Variants in SUSD3 observed in about 807,000 individuals in gnomAD.
SUSD3 encodes the protein sushi domain containing 3, also known as sushi domain-containing protein 3.
Under a neutral mutation model 20.6 loss-of-function variants are expected in SUSD3, and 18 were observed. The ratio of observed to expected loss-of-function variants is 0.87; its 90% CI spans 0.60 to 1.30. The LOEUF is 1.30. SUSD3 is among the 50% of genes most tolerant of loss of function. The pLI, the probability that SUSD3 is intolerant of heterozygous loss-of-function variation, is 0.00. For missense variants in SUSD3, 306 were observed against 346.9 expected, an observed-to-expected ratio of 0.88 and a Z score of 0.94; for synonymous variants, 137 against 141.5, an observed-to-expected ratio of 0.97 and a Z score of 0.23.
chr9:93,074,230 G>T (rs141487545), intron 1 of SUSD3, among the ~76,000 whole-genome samples: 2,632 of 151,850 alleles, frequency 0.017, 60 homozygotes, highest in African/African-American at 0.056. Context: ...GGATCACGAG[G>T]TCATCATGGC....
Position 93,079,609 on chromosome 9 carries a change from C to T in SUSD3, c.557+7C>T, listed in dbSNP as rs1302838410. On this transcript the variant is annotated splice_region_variant and intron_variant, in intron 4 of 4. Coordinates refer to ENST00000375472, the MANE Select transcript of SUSD3 (RefSeq NM_145006.4). ...ACAACCACAGCTTCACCACGTGAGC[C>T]CGGGTCTGGGTAGGGGACATGCTGG... The T allele has an allele frequency of 6.2e-7, 1 of 1,613,452 alleles. No individual in the cohort carries two copies. The highest frequency in any genetic ancestry group is 2.2e-5 in the East Asian group (1 of 44,866).
At chr9:93,058,896 G>A (rs1423887851) in intron 1 of SUSD3, 66 bp downstream of exon 1, 9 of 1,021,806 alleles carry the variant, frequency 8.8e-6, no homozygotes, top group Non-Finnish European at 2.5e-6. Flanking sequence ...GGAAAGCCGA[G>A]GGGAGGGGGT....
At chr9:93,064,915 G>A (rs572254545) in intron 1 of SUSD3, among the ~76,000 whole-genome samples, 4 of 152,198 alleles carry the variant, frequency 2.6e-5, no homozygotes, top group African/African-American at 7.2e-5. Context: ...TGGCTGCCTT[G>A]AGTGCATGGG....
intron 1 of SUSD3, among the ~76,000 whole-genome samples, chr9:93,071,085 T>G (rs1456659852): frequency 6.6e-6 from 1 of 152,188 alleles, no homozygotes; most frequent in Non-Finnish European, 1.5e-5. Flanking sequence ...TGTCTCTTCT[T>G]AGGATCCGAG....
At position 93,076,869 on chromosome 9, in the gene SUSD3, G is replaced by A. The variant is rs1376670957; in HGVS notation, c.277+897G>A. On this transcript the variant is annotated intron_variant, in intron 2 of 4. Transcript: ENST00000375472. ...CTCAGCCTCATGATTCAAGATGGCAGCAGCTATGTTCCAGGCAGCTGTTAT... is the reference window on the plus strand; with the variant it reads ...CTCAGCCTCATGATTCAAGATGGCAACAGCTATGTTCCAGGCAGCTGTTAT... 2.6e-5 allele frequency among the ~76,000 whole-genome samples: 4 copies of A among 152,232 alleles called. No homozygotes were observed. The East Asian group carries it at 5.8e-4, about 22-fold the overall frequency.
intron 4 of SUSD3, among the ~76,000 whole-genome samples, chr9:93,080,363 T>C (rs1178543173): frequency 6.6e-6 from 1 of 151,206 alleles, no homozygotes; most frequent in East Asian, 1.9e-4. Flanking sequence ...AAATCTAATA[T>C]TGATTGCACG....
intron 1 of SUSD3, among the ~76,000 whole-genome samples, chr9:93,061,860 G>GCC: frequency 6.6e-6 from 1 of 152,212 alleles, no homozygotes; most frequent in East Asian, 1.9e-4. Context: ...TCGAGTCTAG[G>GCC]TGAGACTGGG....
In SUSD3 at chr9:93,070,228, G is replaced by A. The variant is rs140222066; in HGVS notation, c.89-5556G>A. Among the ~76,000 whole-genome samples the A allele has an allele frequency of 2.7e-3, 414 of 152,332 alleles. 2 individuals are homozygous for A. The highest frequency in any genetic ancestry group is 4.4e-3 in the Non-Finnish European group (297 of 68,026). On this transcript the variant is annotated intron_variant, in intron 1 of 4. Transcript: ENST00000375472. ...ATAAGAATCTTAGACACCGCATCTAGTGGTGGCTCCCTCCCTGCTATCAGT... is the reference window on the plus strand; with the variant it reads ...ATAAGAATCTTAGACACCGCATCTAATGGTGGCTCCCTCCCTGCTATCAGT...
intron 1 of SUSD3, among the ~76,000 whole-genome samples, chr9:93,068,341 G>C (rs1417583870): frequency 1.3e-5 from 2 of 152,146 alleles, no homozygotes; most frequent in Admixed American, 1.3e-4. Flanking sequence ...CTTACTTTTA[G>C]GTCTTTGATT....
At chr9:93,062,743 T>C (rs988540996) in intron 1 of SUSD3, among the ~76,000 whole-genome samples, 1 of 152,094 alleles carries the variant, frequency 6.6e-6, no homozygotes, top group African/African-American at 2.4e-5. Context: ...CGGGAGTCTC[T>C]GTGTGAGCAG....
intron 1 of SUSD3, among the ~76,000 whole-genome samples, chr9:93,068,808 T>C (rs1315493445): frequency 6.6e-6 from 1 of 152,218 alleles, no homozygotes; most frequent in Non-Finnish European, 1.5e-5. Flanking sequence ...GTAGATACAA[T>C]GTATCCAAGG....
chr9:93,073,687 C>A (rs1354401852), intron 1 of SUSD3, among the ~76,000 whole-genome samples: 1 of 152,208 alleles, frequency 6.6e-6, no homozygotes, highest in East Asian at 1.9e-4. Context: ...AGCAGTTTCA[C>A]TGAACGTCCT....
chr9:93,078,111 T>A (rs1826245315), intron 3 of SUSD3, 118 bp downstream of exon 3: 4 of 1,376,962 alleles, frequency 2.9e-6, no homozygotes, highest in Non-Finnish European at 3.0e-6. Flanking sequence ...CACCCGTTCC[T>A]ACCACTGCTG....
At chr9:93,060,515 A>G (rs1587891606) in intron 1 of SUSD3, among the ~76,000 whole-genome samples, 1 of 152,020 alleles carries the variant, frequency 6.6e-6, no homozygotes, top group African/African-American at 2.4e-5. Flanking sequence ...GGGGGTTGGG[A>G]GCCTTTGGAG....
At chr9:93,060,159 A>T (rs1201727876) in intron 1 of SUSD3, among the ~76,000 whole-genome samples, 1 of 152,158 alleles carries the variant, frequency 6.6e-6, no homozygotes, top group East Asian at 1.9e-4. Context: ...TGTGCTGGGA[A>T]TGGAGCTTAG....
At position 93,058,717 on chromosome 9, in the gene SUSD3, C is replaced by T. The variant is rs965091020; in HGVS notation, c.-26C>T. 3 of 1,225,930 alleles carry T rather than the reference C, an allele frequency of 2.4e-6. No individual in the cohort carries two copies. The highest frequency in any genetic ancestry group is 8.5e-5 in the Admixed American group (2 of 23,566). 75.9% of individuals were successfully genotyped at this position (1,225,930 alleles called of 1,614,324 possible). On this transcript the variant is annotated 5_prime_UTR_variant, in exon 1 of 5. Coordinates refer to ENST00000375472, the MANE Select transcript of SUSD3 (RefSeq NM_145006.4). The stretch of plus-strand genomic sequence containing the variant: ...GCCGGGCTCACTCCCCTGGCAGACC[C>T]CGCCAAGCGCCTCGGAGCGCGCAGG...
chr9:93,083,255 C>T (rs1032319471), intron 4 of SUSD3, among the ~76,000 whole-genome samples: 3 of 152,288 alleles, frequency 2.0e-5, no homozygotes, highest in Middle Eastern at 6.8e-3. Flanking sequence ...ATGGAGACCT[C>T]GAGCACTCAG....
chr9:93,077,007 C>T (rs947587000), intron 2 of SUSD3, among the ~76,000 whole-genome samples: 8 of 152,210 alleles, frequency 5.3e-5, no homozygotes, highest in African/African-American at 9.7e-5. Flanking sequence ...GTCCTGTGAC[C>T]ACTGGGAAAT....
rs200585203 is a variant in SUSD3, at chr9:93,078,002, G to A, written c.425+9G>A. 2.4e-5 allele frequency: 38 copies of A among 1,614,122 alleles called. No homozygotes were observed. In the East Asian group the frequency reaches 7.1e-4, roughly 30 times the overall value. ...CGGCGGCGCTCCAACAGGTACGGTG[G>A]CCTCATGATCTCAGGGTCCTCCCGG... On this transcript the variant is annotated intron_variant, in intron 3 of 4. Coordinates refer to ENST00000375472, the MANE Select transcript of SUSD3 (RefSeq NM_145006.4).
Sources: allele counts gnomAD v4.1 joint callset (sites outside exome capture counted in the v4.1 genomes callset), GRCh38; gene constraint gnomAD v4.1.1; transcripts MANE v1.5; gene names NCBI Gene and HGNC (gene_info 2026-07-23, HGNC 2026-07-21).